The following ADGRG2 variants were observed in gnomAD, a reference collection of about 807,000 sequenced individuals.
The protein encoded by ADGRG2 is adhesion G protein-coupled receptor G2, also known as G protein-coupled receptor 64.
In ADGRG2, 26 loss-of-function variants were observed where a neutral mutation model predicts 74.1. The observed-to-expected ratio is 0.35, with a 90% CI of 0.26 to 0.49. The LOEUF is 0.49. Ranked by LOEUF, ADGRG2 falls within the 20% of genes least tolerant of loss-of-function variation. The probability of loss-of-function intolerance (pLI) is 0.99; values close to 1 mark genes in which losing one functional copy is unlikely to be tolerated. For missense variants in ADGRG2, 619 were observed against 763.1 expected (o/e 0.81, Z 2.22); for synonymous variants, 296 against 295.2 (o/e 1.00, Z -0.03).
At chrX:19,078,849 G>T (rs2061798378) in intron 2 of ADGRG2, among the ~76,000 whole-genome samples, 1 of 109,011 alleles carries the variant, frequency 9.2e-6, no homozygotes, top group Non-Finnish European at 1.9e-5. Context: ...TCTTTGAAAA[G>T]ACAATTCTGG....
chrX:19,111,035 G>C (rs2062404025), intron 1 of ADGRG2, among the ~76,000 whole-genome samples: 1 of 111,656 alleles, frequency 9.0e-6, no homozygotes, highest in African/African-American at 3.3e-5. Context: ...AGAGAGAAGT[G>C]GGAAGACTTG....
At chrX:19,078,776 TA>T (rs1291416651) in intron 2 of ADGRG2, among the ~76,000 whole-genome samples, 134 of 83,446 alleles carry the variant, frequency 1.6e-3, no homozygotes, top group Middle Eastern at 5.6e-3. Flanking sequence ...AGGAAGGTAA[TA>T]AAAAAAAAAG....
At chrX:19,100,160 C>T (rs1376474576) in intron 1 of ADGRG2, among the ~76,000 whole-genome samples, 1 of 112,695 alleles carries the variant, frequency 8.9e-6, no homozygotes, top group African/African-American at 3.2e-5. Flanking sequence ...ATAACAAACA[C>T]TACTTCAACA....
chrX:19,009,920 A>G (rs776316967), intron 17 of ADGRG2, 138 bp from the exon 18 acceptor site: 9 of 433,317 alleles, frequency 2.1e-5, no homozygotes, highest in South Asian at 7.4e-5. Flanking sequence ...AAGCAATTCT[A>G]CTACCTCAGC....
intron 2 of ADGRG2, among the ~76,000 whole-genome samples, chrX:19,076,268 G>A (rs762211693): frequency 4.5e-5 from 5 of 111,586 alleles, no homozygotes; most frequent in South Asian, 3.9e-4. Context: ...CCCAGAGTAC[G>A]ATCTAGAAGC....
At chrX:19,108,341 C>T (rs186339474) in intron 1 of ADGRG2, among the ~76,000 whole-genome samples, 2 of 110,756 alleles carry the variant, frequency 1.8e-5, no homozygotes, top group African/African-American at 6.5e-5. Flanking sequence ...AAGGTGGCTA[C>T]TAATCCTAAT....
chrX:18,991,141 G>T, intron 28 of ADGRG2, 93 bp from the exon 29 acceptor site: 1 of 440,497 alleles, frequency 2.3e-6, no homozygotes, highest in Non-Finnish European at 3.8e-6. Flanking sequence ...TCTTAAAGAT[G>T]TATTTGTAAA....
chrX:19,069,728 G>A (rs2061622987), intron 2 of ADGRG2, among the ~76,000 whole-genome samples: 1 of 110,855 alleles, frequency 9.0e-6, no homozygotes, highest in Non-Finnish European at 1.9e-5. Flanking sequence ...GCAGATGGCC[G>A]AACTCCAGGG....
intron 15 of ADGRG2, among the ~76,000 whole-genome samples, chrX:19,018,369 T>C (rs1335563028): frequency 2.7e-5 from 3 of 110,661 alleles, no homozygotes; most frequent in Non-Finnish European, 5.7e-5. Flanking sequence ...GCAGTTCTCC[T>C]ACCTGGGCCT....
chrX:19,105,320 C>G (rs1189827043), intron 1 of ADGRG2, among the ~76,000 whole-genome samples: 1 of 112,033 alleles, frequency 8.9e-6, no homozygotes, highest in Admixed American at 9.5e-5. Context: ...AGGCCATCAG[C>G]AGTAGAAAGG....
At chrX:19,027,703 C>G (rs1380289884) in intron 10 of ADGRG2, among the ~76,000 whole-genome samples, 2 of 112,164 alleles carry the variant, frequency 1.8e-5, no homozygotes, top group African/African-American at 6.5e-5. Flanking sequence ...GCAATGAGCT[C>G]ATTGCCTGGC....
intron 24 of ADGRG2, among the ~76,000 whole-genome samples, chrX:19,002,365 A>G (rs186443037): frequency 1.5e-3 from 166 of 111,749 alleles, no homozygotes; most frequent in African/African-American, 5.3e-3. Context: ...GTGGCAGTGA[A>G]GTTACAATGG....
chrX:19,046,701 G>T (rs907885597), intron 3 of ADGRG2, among the ~76,000 whole-genome samples: 1 of 111,876 alleles, frequency 8.9e-6, no homozygotes, highest in Non-Finnish European at 1.9e-5. Flanking sequence ...AAGAGCAAAG[G>T]GGGGAGGTAA....
chrX:18,992,197 T>C (rs1304280326), intron 28 of ADGRG2, among the ~76,000 whole-genome samples: 1 of 112,730 alleles, frequency 8.9e-6, no homozygotes, highest in Non-Finnish European at 1.9e-5. Context: ...CATGTGACTG[T>C]CTGAGGCAGC....
At chrX:19,013,251 C>T (rs2060396038) in intron 16 of ADGRG2, among the ~76,000 whole-genome samples, 1 of 111,613 alleles carries the variant, frequency 9.0e-6, no homozygotes, top group Non-Finnish European at 1.9e-5. Flanking sequence ...AAAGTTTACT[C>T]TTCAGGGTGT....
intron 28 of ADGRG2, among the ~76,000 whole-genome samples, chrX:18,994,215 C>T (rs945482061): frequency 4.5e-5 from 5 of 112,028 alleles, no homozygotes; most frequent in African/African-American, 6.5e-5. Context: ...GTTGGCTGGG[C>T]GCGGTGGCTC....
At chrX:19,106,788 C>T in intron 1 of ADGRG2, among the ~76,000 whole-genome samples, 1 of 109,399 alleles carries the variant, frequency 9.1e-6, no homozygotes, top group Middle Eastern at 4.7e-3. Flanking sequence ...GCGGTGGTGG[C>T]GGGCACCTAC....
Position 19,027,281 on chromosome X carries a change from G to C in ADGRG2, c.415-7C>G, listed in dbSNP as rs765579511. The C allele has an allele frequency of 9.4e-7, 1 of 1,067,744 alleles. No individual in the cohort carries two copies. Among genetic ancestry groups the C allele is most frequent in the African/African-American group, 1.8e-5 (1 of 55,193 alleles). The allele number at this position is 1,067,744 out of a possible 1,213,427, so 88.0% of individuals were successfully genotyped here. On this transcript the variant is annotated splice_polypyrimidine_tract_variant and splice_region_variant and intron_variant, in intron 10 of 28. Coordinates refer to ENST00000379869, the MANE Select transcript of ADGRG2 (RefSeq NM_001079858.3). Reference sequence around the variant, plus strand: ...CATTCGTTATATGTTGATTCTGTTAGAAGCATAAAATCATTAAGAATATAA... The same window carrying C: ...CATTCGTTATATGTTGATTCTGTTACAAGCATAAAATCATTAAGAATATAA...
Position 19,029,831 on chromosome X carries a change from C to T in ADGRG2, c.358+1153G>A, listed in dbSNP as rs765506625. Among the ~76,000 whole-genome samples the T allele has an allele frequency of 5.5e-5, 6 of 109,988 alleles. No individual in the cohort carries two copies. The East Asian group carries it at 8.6e-4, about 16-fold the overall frequency. ...ATGACATTATGGGGAATTCGGTGAA[C>T]GGAAGAGTCAGAGAGGAGGGAGAGA... On this transcript the variant is annotated intron_variant, in intron 9 of 28. Transcript: ENST00000379869.
Sources: allele counts gnomAD v4.1 joint callset (sites outside exome capture counted in the v4.1 genomes callset), GRCh38; gene constraint gnomAD v4.1.1; transcripts MANE v1.5; gene names NCBI Gene and HGNC (gene_info 2026-07-23, HGNC 2026-07-21).